Variants in ZFYVE9 observed in about 807,000 individuals in gnomAD.
ZFYVE9 encodes zinc finger FYVE domain-containing protein 9.
In ZFYVE9, 43 loss-of-function variants were observed where a neutral mutation model predicts 126.7. The ratio of observed to expected loss-of-function variants is 0.34; its 90% CI spans 0.27 to 0.44. The LOEUF (loss-of-function observed/expected upper bound fraction) is 0.44. Ranked by LOEUF, ZFYVE9 falls within the 20% of genes least tolerant of loss-of-function variation. The pLI, the probability that ZFYVE9 is intolerant of heterozygous loss-of-function variation, is 1.00. For synonymous variants in ZFYVE9, 521 were observed against 597.4 expected (o/e 0.87, Z 1.87); for missense variants, 1,476 against 1,697.0 (o/e 0.87, Z 2.29).
intron 10 of ZFYVE9, among the ~76,000 whole-genome samples, chr1:52,288,941 A>AAAAAAG (rs1557502329): frequency 2.3e-4 from 32 of 140,672 alleles, no homozygotes; most frequent in African/African-American, 9.2e-4. Flanking sequence ...AAAAAAAAAA[A>AAAAAAG]AAAAAGAAAA....
intron 13 of ZFYVE9, among the ~76,000 whole-genome samples, chr1:52,314,106 C>G (rs1290815811): frequency 2.6e-5 from 4 of 152,028 alleles, no homozygotes; most frequent in Admixed American, 2.6e-4. Flanking sequence ...CTTACAGATC[C>G]AAGAAGCTCA....
intron 13 of ZFYVE9, among the ~76,000 whole-genome samples, chr1:52,326,693 CAA>C (rs34479038): frequency 1.9e-5 from 2 of 102,928 alleles, no homozygotes; most frequent in Non-Finnish European, 3.6e-5. Context: ...TACTCAATAC[CAA>C]AAAAAAAAAA....
Position 52,181,602 on chromosome 1 carries a change from G to A in ZFYVE9, c.-142-34767G>A, listed in dbSNP as rs554737284. Among the ~76,000 whole-genome samples the A allele has an allele frequency of 5.1e-3, 774 of 150,956 alleles. 6 individuals are homozygous for A. The highest frequency in any genetic ancestry group is 0.018 in the African/African-American group (725 of 40,960). ...CTGCCCAGTCTGGAAAGTGAGGAGCGTCTCTGCCCGCCCGCCATCCCATCT... is the reference window on the plus strand; with the variant it reads ...CTGCCCAGTCTGGAAAGTGAGGAGCATCTCTGCCCGCCCGCCATCCCATCT... On this transcript the variant is annotated intron_variant, in intron 1 of 18. Coordinates refer to ENST00000287727, the MANE Select transcript of ZFYVE9 (RefSeq NM_004799.4).
chr1:52,179,032 G>A (rs535969310), intron 1 of ZFYVE9, among the ~76,000 whole-genome samples: 2 of 152,156 alleles, frequency 1.3e-5, no homozygotes, highest in Admixed American at 6.5e-5. Flanking sequence ...TTGAACTCCT[G>A]GGCTCAAGCA....
chr1:52,334,108 A>G lies in ZFYVE9; in HGVS notation c.3590-580A>G, dbSNP rs563784847. Among the ~76,000 whole-genome samples, 14 of 152,186 alleles carry G rather than the reference A, an allele frequency of 9.2e-5. No homozygotes were observed. The East Asian group carries it at 2.7e-3, about 29-fold the overall frequency. ...ACTCCGTCTCAAAAAAAAAAAAAAA[A>G]ACTTAGCAGATAAAATAGTTGGCAA... On this transcript the variant is annotated intron_variant, in intron 14 of 18. Coordinates refer to ENST00000287727, the MANE Select transcript of ZFYVE9 (RefSeq NM_004799.4).
rs1370822363 is a variant in ZFYVE9 at position 52,233,160 on chromosome 1, T to C, written c.-36-11T>C. On this transcript the variant is annotated splice_polypyrimidine_tract_variant and intron_variant, in intron 2 of 18. Coordinates refer to ENST00000287727, the MANE Select transcript of ZFYVE9 (RefSeq NM_004799.4). ...TAATAATTCAAAATGTAATACGCAT[T>C]TACTTTTTAGGTTTAAACAAGTCTC... 4.6e-6 allele frequency: 6 copies of C among 1,317,602 alleles called. No individual in the cohort carries two copies. The highest frequency in any genetic ancestry group is 6.2e-6 in the Non-Finnish European group (6 of 971,782). 81.6% of individuals were successfully genotyped at this position (1,317,602 alleles called of 1,614,324 possible).
At position 52,232,809 on chromosome 1, in the gene ZFYVE9, C is replaced by G. The variant is rs541580370; in HGVS notation, c.-36-362C>G. ...ATTTTGGAACTAGTATCCGTTACTC[C>G]TGTACTTAAACTTCCCTGTCATTTC... On this transcript the variant is annotated intron_variant, in intron 2 of 18. Transcript: ENST00000287727. 8.6e-5 allele frequency among the ~76,000 whole-genome samples: 13 copies of G among 150,802 alleles called. No homozygotes were observed. In the East Asian group the frequency reaches 2.5e-3, roughly 29 times the overall value.
At chr1:52,220,084 A>T (rs961315540) in intron 2 of ZFYVE9, among the ~76,000 whole-genome samples, 1 of 152,120 alleles carries the variant, frequency 6.6e-6, no homozygotes, top group Non-Finnish European at 1.5e-5. Flanking sequence ...CCAGGCCAAG[A>T]TCTTTTTGAG....
At chr1:52,223,595 G>A (rs1274848166) in intron 2 of ZFYVE9, among the ~76,000 whole-genome samples, 1 of 152,054 alleles carries the variant, frequency 6.6e-6, no homozygotes, top group Non-Finnish European at 1.5e-5. Context: ...TGTCCCAGTG[G>A]GTCCTCTATG....
rs186825999 is a variant in ZFYVE9, at chr1:52,335,902, G to A, written c.3670+1134G>A. 6.6e-5 allele frequency among the ~76,000 whole-genome samples: 10 copies of A among 152,288 alleles called. No individual in the cohort carries two copies. The East Asian group carries it at 1.5e-3, about 24-fold the overall frequency. On this transcript the variant is annotated intron_variant, in intron 15 of 18. Coordinates refer to ENST00000287727, the MANE Select transcript of ZFYVE9 (RefSeq NM_004799.4). ...TAATCTCAGCACTTTGGGAGGCCGAGGGGGGCAGATCACTTGAGGTCAGGA... is the reference window on the plus strand; with the variant it reads ...TAATCTCAGCACTTTGGGAGGCCGAAGGGGGCAGATCACTTGAGGTCAGGA...
chr1:52,262,252 A>G (rs1645586723), intron 4 of ZFYVE9, among the ~76,000 whole-genome samples: 2 of 152,318 alleles, frequency 1.3e-5, no homozygotes, highest in Non-Finnish European at 2.9e-5. Flanking sequence ...CATATGCCCC[A>G]CTACCTAATA....
intron 1 of ZFYVE9, among the ~76,000 whole-genome samples, chr1:52,215,421 C>A (rs1645063238): frequency 6.6e-6 from 1 of 152,052 alleles, no homozygotes; most frequent in East Asian, 1.9e-4. Context: ...GAATTTTAGG[C>A]CTTTTACTTA....
chr1:52,247,669 G>A (rs1006240683), intron 4 of ZFYVE9, among the ~76,000 whole-genome samples: 24 of 151,920 alleles, frequency 1.6e-4, no homozygotes, highest in Admixed American at 4.6e-4. Context: ...GCTAATTTTT[G>A]TATTTTTAGT....
At chr1:52,161,920 G>C (rs1038040131) in intron 1 of ZFYVE9, among the ~76,000 whole-genome samples, 2 of 149,462 alleles carry the variant, frequency 1.3e-5, no homozygotes, top group East Asian at 3.9e-4. Flanking sequence ...TTAGCTAGGA[G>C]TTTATGTTAG....
chr1:52,338,628 T>C (rs1646409710), intron 16 of ZFYVE9, among the ~76,000 whole-genome samples: 1 of 152,232 alleles, frequency 6.6e-6, no homozygotes, highest in African/African-American at 2.4e-5. Context: ...TGCTATTTGA[T>C]GAATTAGAAA....
At chr1:52,178,418 A>G (rs1047637565) in intron 1 of ZFYVE9, among the ~76,000 whole-genome samples, 2 of 138,846 alleles carry the variant, frequency 1.4e-5, no homozygotes, top group Non-Finnish European at 3.0e-5. Context: ...TGTAACCTCC[A>G]CCTCCTGGAT....
intron 10 of ZFYVE9, among the ~76,000 whole-genome samples, chr1:52,286,221 T>C (rs770629326): frequency 2.5e-4 from 38 of 152,096 alleles, no homozygotes; most frequent in Non-Finnish European, 4.7e-4. Context: ...TTGAGTGAAA[T>C]TGACAAATTG....
intron 2 of ZFYVE9, among the ~76,000 whole-genome samples, chr1:52,220,766 T>C (rs1645116988): frequency 1.3e-5 from 2 of 152,178 alleles, no homozygotes; most frequent in Admixed American, 1.3e-4. Context: ...CCTGAGCTCC[T>C]ATTTTCTTTA....
At chr1:52,265,413 T>C (rs2147799318) in intron 5 of ZFYVE9, among the ~76,000 whole-genome samples, 1 of 152,318 alleles carries the variant, frequency 6.6e-6, no homozygotes, top group African/African-American at 2.4e-5. Flanking sequence ...TGAAAGAGAT[T>C]TTTGAAAGGA....
Sources: gnomAD v4.1 joint callset for allele counts (sites outside exome capture counted in the v4.1 genomes callset) on GRCh38, gnomAD v4.1.1 for gene constraint, MANE v1.5 for transcripts, NCBI Gene and HGNC (gene_info 2026-07-23, HGNC 2026-07-21) for gene names.